Variants in ANTXR1 observed in about 807,000 individuals in gnomAD.
ANTXR1 encodes ANTXR cell adhesion molecule 1.
Under a neutral mutation model 78.1 loss-of-function variants are expected in ANTXR1, and 19 were observed. That is an observed-to-expected ratio of 0.24 (90% CI 0.17 to 0.36). The LOEUF is 0.36. ANTXR1 is among the 10% of genes least tolerant of loss of function. The pLI is 1.00. For missense variants in ANTXR1, 518 were observed against 718.6 expected (o/e 0.72, Z 3.19); for synonymous variants, 273 against 260.5 (o/e 1.05, Z -0.46).
chr2:69,173,467 C>T (rs981618180), intron 14 of ANTXR1, among the ~76,000 whole-genome samples: 2 of 152,212 alleles, frequency 1.3e-5, no homozygotes, highest in Admixed American at 6.5e-5. Context: ...GACTGGTGCT[C>T]TTGGGTCACA....
intron 17 of ANTXR1, among the ~76,000 whole-genome samples, chr2:69,226,460 G>C (rs534099307): frequency 2.6e-5 from 4 of 152,132 alleles, no homozygotes; most frequent in African/African-American, 9.7e-5. Flanking sequence ...AGTTCCAAAG[G>C]CCTCATCAAG....
intron 3 of ANTXR1, among the ~76,000 whole-genome samples, chr2:69,054,991 C>T (rs1360147037): frequency 6.6e-6 from 1 of 152,124 alleles, no homozygotes; most frequent in Non-Finnish European, 1.5e-5. Flanking sequence ...CTCTCTGTGC[C>T]TCAGTTTTCT....
chr2:69,173,588 T>A (rs1674044915), intron 14 of ANTXR1, among the ~76,000 whole-genome samples: 2 of 152,208 alleles, frequency 1.3e-5, no homozygotes, highest in East Asian at 3.9e-4. Flanking sequence ...GAAATAGTAT[T>A]GTTTCAGAAA....
chr2:69,018,348 C>T (rs1671086656), intron 1 of ANTXR1, among the ~76,000 whole-genome samples: 2 of 152,174 alleles, frequency 1.3e-5, no homozygotes, highest in South Asian at 4.1e-4. Context: ...AACCACAGCA[C>T]CCACACCTGG....
At chr2:69,244,944 A>G (rs1040993429) in intron 17 of ANTXR1, among the ~76,000 whole-genome samples, 18 of 152,054 alleles carry the variant, frequency 1.2e-4, no homozygotes, top group Admixed American at 5.2e-4. Context: ...CAGTTTAATG[A>G]CCTCTGTACA....
At chr2:69,241,580 A>T (rs140754516) in intron 17 of ANTXR1, among the ~76,000 whole-genome samples, 20 of 152,154 alleles carry the variant, frequency 1.3e-4, no homozygotes, top group Non-Finnish European at 2.9e-4. Context: ...ACAGGAGGAG[A>T]GAACAAACAT....
intron 17 of ANTXR1, among the ~76,000 whole-genome samples, chr2:69,203,126 A>G (rs1674815029): frequency 6.6e-6 from 1 of 152,250 alleles, no homozygotes; most frequent in Non-Finnish European, 1.5e-5. Context: ...GGACATCTTC[A>G]GAATTCCTAT....
chr2:69,146,997 C>A (rs1038990848), intron 12 of ANTXR1, among the ~76,000 whole-genome samples: 1 of 152,226 alleles, frequency 6.6e-6, no homozygotes, highest in Non-Finnish European at 1.5e-5. Context: ...AAGCAGGTGG[C>A]AGTTAGCACG....
intron 1 of ANTXR1, among the ~76,000 whole-genome samples, chr2:69,038,440 C>G (rs1669511224): frequency 6.6e-6 from 1 of 152,124 alleles, no homozygotes; most frequent in Non-Finnish European, 1.5e-5. Context: ...GGAGAAGAAT[C>G]CAGGATTGAA....
rs748356035 is a variant in ANTXR1, at chr2:69,245,422, C to A, written c.1632C>A (p.Pro544=). The change falls in exon 18 of 18, where the codon CCC becomes CCA. Residue 544 remains proline (P), a synonymous_variant. Transcript: ENST00000303714. The part of the protein sequence containing the change: ...PSPPSTLPPP[P]QAPPPNRAPP... ...CACCTTCCACCCTTCCCCCTCCTCCCCAGGCTCCACCTCCCAACAGGGCAC... is the reference window on the plus strand; with the variant it reads ...CACCTTCCACCCTTCCCCCTCCTCCACAGGCTCCACCTCCCAACAGGGCAC... The A allele has an allele frequency of 3.7e-6, 6 of 1,601,474 alleles. No individual in the cohort carries two copies. Among genetic ancestry groups the A allele is most frequent in the African/African-American group, 2.7e-5 (2 of 72,796 alleles).
At chr2:69,182,380 G>A (rs1674296584) in intron 15 of ANTXR1, 113 bp from the exon 16 acceptor site, 2 of 1,315,242 alleles carry the variant, frequency 1.5e-6, no homozygotes, top group Non-Finnish European at 2.1e-6. Flanking sequence ...AAACCCAAAG[G>A]AATCCAGGGT....
chr2:69,245,251 C>CA lies in ANTXR1; in HGVS notation c.1463dup (p.Asn489GlufsTer94). On this transcript the variant is annotated frameshift_variant, in exon 18 of 18. Coordinates refer to ENST00000303714, the MANE Select transcript of ANTXR1 (RefSeq NM_032208.3). LOFTEE classifies it high-confidence loss of function. Reference sequence around the variant, plus strand: ...GGCGCTGCATCAACTTCACCAGGGTCAAGAACAACCAGCCAGCCAAGTACC... The same window carrying CA: ...GGCGCTGCATCAACTTCACCAGGGTCAAAGAACAACCAGCCAGCCAAGTACC... 1 of 1,613,996 alleles carries CA rather than the reference C, an allele frequency of 6.2e-7. No individual in the cohort carries two copies. The highest frequency in any genetic ancestry group is 8.5e-7 in the Non-Finnish European group (1 of 1,179,998).
chr2:69,196,520 AG>A (rs202156543), intron 17 of ANTXR1, among the ~76,000 whole-genome samples: 6 of 152,116 alleles, frequency 3.9e-5, no homozygotes, highest in Admixed American at 6.5e-5. Context: ...CAGGCGAGGC[AG>A]GGGGGGCAAT....
At chr2:69,168,182 A>G (rs1040267584) in intron 13 of ANTXR1, among the ~76,000 whole-genome samples, 1 of 152,154 alleles carries the variant, frequency 6.6e-6, no homozygotes, top group Non-Finnish European at 1.5e-5. Flanking sequence ...TAGTATATGC[A>G]GGGGGGGTAT....
At chr2:69,170,130 C>A in intron 13 of ANTXR1, 118 bp from the exon 14 acceptor site, 2 of 1,099,276 alleles carry the variant, frequency 1.8e-6, no homozygotes, top group Non-Finnish European at 2.8e-6. Context: ...GCCCGACTTG[C>A]TGGGGCCATT....
intron 3 of ANTXR1, among the ~76,000 whole-genome samples, chr2:69,053,080 A>G (rs904208473): frequency 4.6e-5 from 7 of 152,126 alleles, no homozygotes; most frequent in African/African-American, 1.7e-4. Flanking sequence ...TGTTTTTTAT[A>G]TGACTTTATT....
At chr2:69,173,535 T>C (rs1022297716) in intron 14 of ANTXR1, among the ~76,000 whole-genome samples, 2 of 152,130 alleles carry the variant, frequency 1.3e-5, no homozygotes, top group African/African-American at 4.8e-5. Context: ...ATAGCTCCCC[T>C]CAGAAGGAGG....
intron 3 of ANTXR1, among the ~76,000 whole-genome samples, chr2:69,061,951 C>A (rs924560172): frequency 3.9e-5 from 6 of 151,966 alleles, no homozygotes; most frequent in East Asian, 3.9e-4. Context: ...AAAGCCCAGA[C>A]AAAATAAAAT....
At position 69,090,833 on chromosome 2, in the gene ANTXR1, G is replaced by A. The variant is rs752813261; in HGVS notation, c.643-26G>A. ...CTTTGAACAAAATAAGCTGTGCATT[G>A]ACTCTTTTATTTCCGCTCCTCCTAG... On this transcript the variant is annotated intron_variant, in intron 8 of 17. Transcript: ENST00000303714. 1.1e-5 allele frequency: 17 copies of A among 1,610,980 alleles called. No individual in the cohort carries two copies. The South Asian group carries it at 1.9e-4, about 18-fold the overall frequency.
Sources: allele counts gnomAD v4.1 joint callset (sites outside exome capture counted in the v4.1 genomes callset), GRCh38; gene constraint gnomAD v4.1.1; transcripts MANE v1.5; gene names NCBI Gene and HGNC (gene_info 2026-07-23, HGNC 2026-07-21).